Variants in ESR1 observed in about 807,000 individuals in gnomAD.
ESR1 encodes the protein estrogen receptor.
A neutral mutation model predicts 52.7 loss-of-function variants in ESR1; 12 were observed. The observed-to-expected ratio is 0.23, with a 90% CI of 0.15 to 0.37. The LOEUF (loss-of-function observed/expected upper bound fraction) is 0.37, where lower values mean the gene tolerates loss of function less well. Ranked by LOEUF, ESR1 falls within the 10% of genes least tolerant of loss-of-function variation. The pLI is 1.00. For synonymous variants in ESR1, 305 were observed against 316.8 expected (o/e 0.96, Z 0.39); for missense variants, 584 against 779.7 (o/e 0.75, Z 2.99).
intron 6 of ESR1, among the ~76,000 whole-genome samples, chr6:152,086,625 C>T (rs2049744704): frequency 6.7e-6 from 1 of 149,846 alleles, no homozygotes; most frequent in East Asian, 2.0e-4. Context: ...ATCTAGTAGA[C>T]GTCACTAAAA....
chr6:152,105,570 C>T (rs1394285073), downstream of ESR1, among the ~76,000 whole-genome samples: 5 of 151,076 alleles, frequency 3.3e-5, no homozygotes, highest in African/African-American at 4.9e-5. Flanking sequence ...GGATTACAGG[C>T]GAGCGCCACC....
At chr6:151,920,253 G>A (rs962041426) in intron 3 of ESR1, among the ~76,000 whole-genome samples, 2 of 150,748 alleles carry the variant, frequency 1.3e-5, no homozygotes, top group African/African-American at 2.4e-5. Context: ...AAGGGGCAAC[G>A]TAAAACTAAT....
At chr6:151,744,983 G>T (rs562136783) in intron 2 of ESR1, among the ~76,000 whole-genome samples, 1 of 152,060 alleles carries the variant, frequency 6.6e-6, no homozygotes, top group Admixed American at 6.6e-5. Context: ...CTTCCATTTT[G>T]TCTTGTCCAG....
At chr6:151,686,064 A>ATTTTTTTTTTTT (rs557270210), upstream of ESR1, among the ~76,000 whole-genome samples, 339 of 114,310 alleles carry the variant, frequency 3.0e-3, 17 homozygotes, top group African/African-American at 0.013. Context: ...AATTAAAACA[A>ATTTTTTTTTTTT]TTTTTTTTTT....
intron 4 of ESR1, among the ~76,000 whole-genome samples, chr6:151,984,467 T>G (rs1381669861): frequency 1.3e-5 from 2 of 152,142 alleles, no homozygotes; most frequent in Non-Finnish European, 2.9e-5. Context: ...GAAGTTAGGC[T>G]AAAATCAATA....
chr6:151,944,328 C>T lies in ESR1; in HGVS notation c.916C>T (p.Leu306=), dbSNP rs2128527892. 4 of 1,614,170 alleles carry T rather than the reference C, an allele frequency of 2.5e-6. No individual in the cohort carries two copies. Among genetic ancestry groups the T allele is most frequent in the African/African-American group, 1.3e-5 (1 of 75,044 alleles). Residue 306 remains leucine, a synonymous_variant, in exon 4 of 8, where the codon CTG becomes TTG. Transcript: ENST00000206249. ...GATCAAACGCTCTAAGAAGAACAGC[C>T]TGGCCTTGTCCCTGACGGCCGACCA... ...LMIKRSKKNS[L]ALSLTADQMV...
upstream of ESR1, among the ~76,000 whole-genome samples, chr6:151,801,051 G>GGTGTGTGTGTGT (rs3062689): frequency 9.8e-3 from 1,449 of 147,678 alleles, 24 homozygotes; most frequent in East Asian, 0.044. Context: ...TTGATTATGT[G>GGTGTGTGTGTGT]GTGTGTGTGT....
At chr6:152,114,303 C>T (rs1440723221) in intron 6 of ESR1, among the ~76,000 whole-genome samples, 2 of 152,196 alleles carry the variant, frequency 1.3e-5, no homozygotes, top group African/African-American at 4.8e-5. Context: ...CTGATTTCAC[C>T]TGTGAGCAGG....
Position 151,701,477 on chromosome 6 carries a change from C to T in ESR1, c.-201-398C>T, listed in dbSNP as rs915751713. ...CCAGGAGGTGGAGGTTGCAGTGAGCCGAGACCGCACCGTTGCACTCCAATC... is the reference window on the plus strand; with the variant it reads ...CCAGGAGGTGGAGGTTGCAGTGAGCTGAGACCGCACCGTTGCACTCCAATC... On this transcript the variant is annotated intron_variant, in intron 1 of 2. Coordinates refer to the ESR1 transcript ENST00000404742. 5.6e-5 allele frequency among the ~76,000 whole-genome samples: 8 copies of T among 141,598 alleles called. No homozygotes were observed. In the South Asian group the frequency reaches 6.6e-4, roughly 12 times the overall value. The allele number at this position is 141,598 out of a possible 152,430, so 92.9% of individuals were successfully genotyped here. A position where few individuals can be genotyped will look rare whatever the true frequency, so the allele number is the denominator to read the frequency against.
In ESR1 at chr6:152,053,268, A is replaced by G. The variant is rs1332187922; in HGVS notation, c.1236-7723A>G. Among the ~76,000 whole-genome samples the G allele has an allele frequency of 1.3e-5, 2 of 151,692 alleles. No homozygotes were observed. Among genetic ancestry groups the G allele is most frequent in the Non-Finnish European group, 2.9e-5 (2 of 67,940 alleles). On this transcript the variant is annotated intron_variant, in intron 5 of 7. Transcript: ENST00000206249. The surrounding 1 kb of genome is among the most constrained non-coding windows in gnomAD (Gnocchi z 4.1). ...TTTTCCTTTGGACCTTCTGACATTCAACATCTTGGTCGCTCCTATCCAGCC... is the reference window on the plus strand; with the variant it reads ...TTTTCCTTTGGACCTTCTGACATTCGACATCTTGGTCGCTCCTATCCAGCC...
At chr6:151,934,964 G>T (rs1010552239) in intron 3 of ESR1, among the ~76,000 whole-genome samples, 1 of 152,174 alleles carries the variant, frequency 6.6e-6, no homozygotes, top group African/African-American at 2.4e-5. Context: ...GTGCATGTAG[G>T]TTTCTACAGA....
rs183647015 is a variant in ESR1 at position 151,958,231 on chromosome 6, G to A, written c.1096+13723G>A. ...CTTGTAATGAATATTCTGACGTGGT[G>A]TCAACTTATACCATAGATAGATTAT... On this transcript the variant is annotated intron_variant, in intron 4 of 7. Coordinates refer to ENST00000206249, the MANE Select transcript of ESR1 (RefSeq NM_000125.4). 1.6e-3 allele frequency among the ~76,000 whole-genome samples: 247 copies of A among 152,258 alleles called. 2 individuals carry two copies. The highest frequency in any genetic ancestry group is 5.4e-3 in the African/African-American group (225 of 41,546).
intron 1 of ESR1, among the ~76,000 whole-genome samples, chr6:151,692,788 A>G (rs1582907655): frequency 6.6e-6 from 1 of 152,164 alleles, no homozygotes; most frequent in Non-Finnish European, 1.5e-5. Context: ...CGTACACATC[A>G]TTGAGTTTTA....
Position 152,048,442 on chromosome 6 carries a change from C to T in ESR1, c.1236-12549C>T, listed in dbSNP as rs532810259. On this transcript the variant is annotated intron_variant, in intron 5 of 7. Transcript: ENST00000206249. ...CCCTGCCCCCTCATTTAAGTTGCAC[C>T]GCTTGTTGTATTCTCTTATAAGCCC... Among the ~76,000 whole-genome samples, 11 of 151,642 alleles carry T rather than the reference C, an allele frequency of 7.3e-5. No individual in the cohort carries two copies. In the South Asian group the frequency reaches 1.3e-3, roughly 17 times the overall value.
At chr6:151,806,557 T>TATATATATATATATACAC (rs1554259008), upstream of ESR1, among the ~76,000 whole-genome samples, 93 of 133,754 alleles carry the variant, frequency 7.0e-4, 1 homozygote, top group African/African-American at 8.4e-4. Context: ...TATATATATA[T>TATATATATATATATACAC]ACACATATAT....
intron 1 of ESR1, among the ~76,000 whole-genome samples, chr6:151,683,232 C>G (rs1231574871): frequency 6.6e-6 from 1 of 152,126 alleles, no homozygotes; most frequent in East Asian, 1.9e-4. Flanking sequence ...CATGTCCTTT[C>G]CAGTACAGAT....
At chr6:151,930,175 G>A (rs1483213622) in intron 3 of ESR1, among the ~76,000 whole-genome samples, 2 of 151,972 alleles carry the variant, frequency 1.3e-5, no homozygotes, top group Admixed American at 1.3e-4. Flanking sequence ...TAGAGACGGA[G>A]TTTCTCCATG....
intron 6 of ESR1, among the ~76,000 whole-genome samples, chr6:152,074,822 G>A (rs552581717): frequency 1.1e-4 from 17 of 152,084 alleles, no homozygotes; most frequent in South Asian, 8.3e-4. Context: ...GTTTTAATTC[G>A]CATTTTTTGG....
At chr6:151,848,402 G>A (rs1392388087) in intron 2 of ESR1, among the ~76,000 whole-genome samples, 8 of 131,394 alleles carry the variant, frequency 6.1e-5, no homozygotes, top group East Asian at 2.2e-4. Context: ...TGGGTGCAGC[G>A]CACCAGCATG....
Sources: allele counts gnomAD v4.1 joint callset (sites outside exome capture counted in the v4.1 genomes callset), GRCh38; gene constraint gnomAD v4.1.1; non-coding constraint Gnocchi (gnomAD v3.1); transcripts MANE v1.5; gene names NCBI Gene and HGNC (gene_info 2026-07-23, HGNC 2026-07-21).